Variants in PCDHGB6 observed in about 807,000 individuals in gnomAD.
The protein encoded by PCDHGB6 is protocadherin gamma-B6.
Under a neutral mutation model 59.1 loss-of-function variants are expected in PCDHGB6, and 51 were observed. The observed-to-expected ratio is 0.86, with a 90% CI of 0.69 to 1.09. The LOEUF (loss-of-function observed/expected upper bound fraction) is 1.09, where lower values mean the gene tolerates loss of function less well. Ranked by LOEUF, PCDHGB6 falls within the 50% of genes least tolerant of loss-of-function variation. The pLI, the probability that PCDHGB6 is intolerant of heterozygous loss-of-function variation, is 0.00. For missense variants in PCDHGB6, 1,148 were observed against 1,205.1 expected, an observed-to-expected ratio of 0.95 and a Z score of 0.70; for synonymous variants, 466 against 495.1, an observed-to-expected ratio of 0.94 and a Z score of 0.78.
At chr5:141,423,163 G>A (rs758720418) in intron 1 of PCDHGB6, 2 of 1,613,480 alleles carry the variant, frequency 1.2e-6, no homozygotes, top group South Asian at 2.2e-5. Context: ...CCTCGTGGTG[G>A]CCGTCCAGGA....
At chr5:141,435,052 T>C (rs922871138) in intron 1 of PCDHGB6, among the ~76,000 whole-genome samples, 1 of 152,174 alleles carries the variant, frequency 6.6e-6, no homozygotes, top group African/African-American at 2.4e-5. Context: ...CCATTGACCA[T>C]GCAGCAGTTT....
At position 141,410,774 on chromosome 5, in the gene PCDHGB6, C is replaced by T; in HGVS notation, c.2418+154C>T. 4 of 955,126 alleles carry T rather than the reference C, an allele frequency of 4.2e-6. No individual in the cohort carries two copies. The South Asian group carries it at 6.1e-5, about 15-fold the overall frequency. The allele number at this position is 955,126 out of a possible 1,614,324, so 59.2% of individuals were successfully genotyped here. ...AATGTTTTTTCAATTATAGTTTTCA[C>T]TATGTATTTGGTTCATAAGTTGCTC... On this transcript the variant is annotated intron_variant, in intron 1 of 3. Coordinates refer to ENST00000520790, the MANE Select transcript of PCDHGB6 (RefSeq NM_018926.3).
At position 141,486,368 on chromosome 5, in the gene PCDHGB6, T is replaced by C. The variant is rs1217513529; in HGVS notation, c.2419-8439T>C. 6.2e-7 allele frequency: 1 copy of C among 1,614,014 alleles called. No homozygotes were observed. Among genetic ancestry groups the C allele is most frequent in the Non-Finnish European group, 8.5e-7 (1 of 1,180,000 alleles). On this transcript the variant is annotated intron_variant, in intron 1 of 3. Coordinates refer to ENST00000520790, the MANE Select transcript of PCDHGB6 (RefSeq NM_018926.3). This position sits in a 1 kb window ranked among gnomAD's most constrained non-coding sequence, Gnocchi z 5.0. ...TGACCACTTGCCATTTGCCCTCAAGTCTGCCTTCAGGAACCAGTTCTCCCT... is the reference window on the plus strand; with the variant it reads ...TGACCACTTGCCATTTGCCCTCAAGCCTGCCTTCAGGAACCAGTTCTCCCT...
chr5:141,415,147 C>A lies in PCDHGB6; in HGVS notation c.2418+4527C>A, dbSNP rs779194230. The A allele has an allele frequency of 9.9e-6, 16 of 1,613,668 alleles. No individual in the cohort carries two copies. Among genetic ancestry groups the A allele is most frequent in the African/African-American group, 1.3e-5 (1 of 74,952 alleles). On this transcript the variant is annotated intron_variant, in intron 1 of 3. Transcript: ENST00000520790. ...CGTCCAGGACCACGGCCAGCCCCCT[C>A]TCTCCGCCACTGTCACGCTCACCGT... is the stretch of plus-strand genomic sequence containing the variant.
chr5:141,472,751 G>A (rs1000022316), intron 1 of PCDHGB6, among the ~76,000 whole-genome samples: 5 of 151,850 alleles, frequency 3.3e-5, no homozygotes, highest in East Asian at 3.9e-4. Flanking sequence ...TTTGGGAGGC[G>A]GAGGCTGGCA....
In PCDHGB6 at chr5:141,431,375, G is replaced by T. The variant is rs139873616; in HGVS notation, c.2418+20755G>T. ...ACGCGCCCTGGACCGCGAAGAAAAGGCTGCTCACCACCTGGTCCTTACGGC... is the reference window on the plus strand; with the variant it reads ...ACGCGCCCTGGACCGCGAAGAAAAGTCTGCTCACCACCTGGTCCTTACGGC... On this transcript the variant is annotated intron_variant, in intron 1 of 3. Coordinates refer to ENST00000520790, the MANE Select transcript of PCDHGB6 (RefSeq NM_018926.3). This position sits in a 1 kb window ranked among gnomAD's most constrained non-coding sequence, Gnocchi z 4.8. 21 of 1,613,422 alleles carry T rather than the reference G, an allele frequency of 1.3e-5. No homozygotes were observed. The African/African-American group carries it at 2.8e-4, about 21-fold the overall frequency.
chr5:141,439,186 C>T (rs2098094521), intron 1 of PCDHGB6, among the ~76,000 whole-genome samples: 1 of 141,808 alleles, frequency 7.1e-6, no homozygotes, highest in Admixed American at 7.0e-5. Flanking sequence ...TAGTGAGACT[C>T]TGACAAAAAA....
Position 141,415,114 on chromosome 5 carries a change from G to A in PCDHGB6, c.2418+4494G>A, listed in dbSNP as rs186848544. On this transcript the variant is annotated intron_variant, in intron 1 of 3. Transcript: ENST00000520790. Reference sequence around the variant, plus strand: ...CAGAGACGCGCTCAAGCAAAGCCTCGTAGTGGCCGTCCAGGACCACGGCCA... The same window carrying A: ...CAGAGACGCGCTCAAGCAAAGCCTCATAGTGGCCGTCCAGGACCACGGCCA... 1.7e-5 allele frequency: 28 copies of A among 1,613,646 alleles called. No homozygotes were observed. In the African/African-American group the frequency reaches 2.7e-4, roughly 15 times the overall value.
At chr5:141,413,986 A>G (rs1464771336) in intron 1 of PCDHGB6, 1 of 1,613,554 alleles carries the variant, frequency 6.2e-7, no homozygotes, top group Admixed American at 1.7e-5. Flanking sequence ...AGTCACAGCC[A>G]CCGACAGGGA....
At chr5:141,450,881 G>A (rs1205242412) in intron 1 of PCDHGB6, among the ~76,000 whole-genome samples, 1 of 149,726 alleles carries the variant, frequency 6.7e-6, no homozygotes, top group African/African-American at 2.5e-5. Flanking sequence ...CTGGTGTGCA[G>A]TGGTGCGATA....
At chr5:141,462,833 A>G (rs1488609568) in intron 1 of PCDHGB6, among the ~76,000 whole-genome samples, 1 of 152,082 alleles carries the variant, frequency 6.6e-6, no homozygotes, top group Non-Finnish European at 1.5e-5. Flanking sequence ...GACATTGTAA[A>G]TGTTATATTT....
chr5:141,431,424 G>T lies in PCDHGB6; in HGVS notation c.2418+20804G>T, dbSNP rs747132868. 6.8e-6 allele frequency: 11 copies of T among 1,613,676 alleles called. No homozygotes were observed. The highest frequency in any genetic ancestry group is 5.9e-6 in the Non-Finnish European group (7 of 1,180,028). On this transcript the variant is annotated intron_variant, in intron 1 of 3. Coordinates refer to ENST00000520790, the MANE Select transcript of PCDHGB6 (RefSeq NM_018926.3). The surrounding 1 kb of genome is among the most constrained non-coding windows in gnomAD (Gnocchi z 4.8). ...GCCTCCGACGGGGGCGACCCGGTGC[G>T]CACAGGCACCGCGCGCATCCGCGTG...
In PCDHGB6 at chr5:141,487,598, C is replaced by T. The variant is rs1450685717; in HGVS notation, c.2419-7209C>T. 6.2e-7 allele frequency: 1 copy of T among 1,614,210 alleles called. No homozygotes were observed. The highest frequency in any genetic ancestry group is 8.5e-7 in the Non-Finnish European group (1 of 1,180,046). ...TCGCCCAAGCTGCCCACCCTCTGAT[C>T]TTCTCTATGGGCTAGAGGTGAGACC... is the stretch of plus-strand genomic sequence containing the variant. On this transcript the variant is annotated intron_variant, in intron 1 of 3. Transcript: ENST00000520790. The surrounding 1 kb of genome is among the most constrained non-coding windows in gnomAD (Gnocchi z 5.0).
At chr5:141,413,353 C>T (rs2095629361) in intron 1 of PCDHGB6, 2 of 1,613,844 alleles carry the variant, frequency 1.2e-6, no homozygotes, top group Middle Eastern at 1.6e-4. Context: ...GGGTCTGGCG[C>T]CCCGGGAGCT....
intron 1 of PCDHGB6, among the ~76,000 whole-genome samples, chr5:141,454,195 T>C (rs1295815862): frequency 6.6e-6 from 1 of 152,136 alleles, no homozygotes; most frequent in Admixed American, 6.6e-5. Context: ...TTAGTGAAGG[T>C]GAATTTATTG....
intron 1 of PCDHGB6, chr5:141,421,581 C>T (rs2096585155): frequency 2.5e-6 from 4 of 1,613,712 alleles, no homozygotes; most frequent in Admixed American, 1.7e-5. Flanking sequence ...TGAAGATTTA[C>T]GGAGTGGAGG....
At chr5:141,509,327 G>A (rs2099876237) in intron 3 of PCDHGB6, among the ~76,000 whole-genome samples, 1 of 152,188 alleles carries the variant, frequency 6.6e-6, no homozygotes, top group African/African-American at 2.4e-5. Flanking sequence ...AAGCTCTACT[G>A]CCAGCTGGGC....
rs1029546280 is a variant in PCDHGB6 at position 141,423,551 on chromosome 5, A to G, written c.2418+12931A>G. On this transcript the variant is annotated intron_variant, in intron 1 of 3. Coordinates refer to ENST00000520790, the MANE Select transcript of PCDHGB6 (RefSeq NM_018926.3). ...AGTCACCTGATTTTCCCCCAGCCCA[A>G]CTATGGGGACACGCTCATCAGCCAG... The G allele has an allele frequency of 2.5e-6, 4 of 1,613,498 alleles. No individual in the cohort carries two copies. The African/African-American group carries it at 5.3e-5, about 22-fold the overall frequency.
At chr5:141,499,057 A>G (rs1361057448) in intron 2 of PCDHGB6, among the ~76,000 whole-genome samples, 1 of 152,036 alleles carries the variant, frequency 6.6e-6, no homozygotes, top group Non-Finnish European at 1.5e-5. Flanking sequence ...GAAAAAATGA[A>G]GAAGACTTAC....
Sources: gnomAD v4.1 joint callset for allele counts (sites outside exome capture counted in the v4.1 genomes callset) on GRCh38, gnomAD v4.1.1 for gene constraint, Gnocchi (gnomAD v3.1) non-coding constraint, MANE v1.5 for transcripts, NCBI Gene and HGNC (gene_info 2026-07-23, HGNC 2026-07-21) for gene names.